ZNF680: variants seen among roughly 807,000 people sequenced by gnomAD.
ZNF680 encodes hypothetical protein FLJ90430.
Under a neutral mutation model 12.1 loss-of-function variants are expected in ZNF680, and 6 were observed. The ratio of observed to expected loss-of-function variants is 0.49; its 90% CI spans 0.27 to 0.98. The LOEUF is 0.98. Among genes scored for constraint, ZNF680 ranks in the 50% least tolerant of loss-of-function variants. The pLI is 0.12. For synonymous variants in ZNF680, 170 were observed against 199.3 expected (o/e 0.85, Z 1.24); for missense variants, 561 against 616.3 (o/e 0.91, Z 0.95).
intron 1 of ZNF680, 119 bp from the exon 2 acceptor site, chr7:64,544,551 T>C (rs1786682961): frequency 6.9e-7 from 1 of 1,457,064 alleles, no homozygotes; most frequent in African/African-American, 1.4e-5. Flanking sequence ...AAACTGATTC[T>C]GACTTACAGG....
At chr7:64,506,127 G>T in the ZNF680 span, among the ~76,000 whole-genome samples, 1 of 151,798 alleles carries the variant, frequency 6.6e-6, no homozygotes, top group Non-Finnish European at 1.5e-5. Flanking sequence ...AACAGGCTTG[G>T]AATCTTGAGG....
intron 3 of ZNF680, among the ~76,000 whole-genome samples, chr7:64,528,877 A>G (rs1785708406): frequency 6.6e-6 from 1 of 152,154 alleles, no homozygotes; most frequent in Non-Finnish European, 1.5e-5. Context: ...GCACAATAAG[A>G]GAGCATTAAA....
intron 1 of ZNF680, among the ~76,000 whole-genome samples, chr7:64,554,715 T>C (rs1787308143): frequency 6.6e-6 from 1 of 152,156 alleles, no homozygotes; most frequent in Admixed American, 6.5e-5. Context: ...CTGAAACATG[T>C]GCTGTGTCCA....
the ZNF680 span, among the ~76,000 whole-genome samples, chr7:64,503,768 T>C: frequency 1.3e-5 from 2 of 152,218 alleles, no homozygotes; most frequent in Admixed American, 6.5e-5. Flanking sequence ...CCTTTTTCTT[T>C]AGCCAATGGA....
chr7:64,552,997 A>G (rs537017280), intron 1 of ZNF680, among the ~76,000 whole-genome samples: 17 of 152,188 alleles, frequency 1.1e-4, no homozygotes, highest in Non-Finnish European at 2.5e-4. Flanking sequence ...GTGGTAGCAC[A>G]TGCCTGTAGT....
At chr7:64,545,776 A>C (rs1345561180) in intron 1 of ZNF680, among the ~76,000 whole-genome samples, 1 of 152,178 alleles carries the variant, frequency 6.6e-6, no homozygotes, top group Non-Finnish European at 1.5e-5. Flanking sequence ...ATTCTGTTTA[A>C]ATAAGCATTT....
chr7:64,560,580 G>C (rs1787678052), intron 1 of ZNF680, among the ~76,000 whole-genome samples: 1 of 152,200 alleles, frequency 6.6e-6, no homozygotes, highest in South Asian at 2.1e-4. Context: ...GGGAGGCCAA[G>C]GCGGGTGGAT....
intron 3 of ZNF680, among the ~76,000 whole-genome samples, chr7:64,531,586 G>A (rs1427908269): frequency 9.1e-6 from 1 of 109,978 alleles, no homozygotes; most frequent in Admixed American, 1.2e-4. Context: ...AACACAGTGA[G>A]ACTCCGTCTC....
chr7:64,560,721 A>G (rs1372844768), intron 1 of ZNF680, among the ~76,000 whole-genome samples: 1 of 152,160 alleles, frequency 6.6e-6, no homozygotes, highest in East Asian at 2.0e-4. Context: ...CTGAGGGAGG[A>G]GAATCGCTTG....
chr7:64,511,888 G>A, the ZNF680 span, among the ~76,000 whole-genome samples: 17 of 150,880 alleles, frequency 1.1e-4, no homozygotes, highest in South Asian at 8.4e-4. Flanking sequence ...GTGAAACCCC[G>A]TCTCTACTAA....
At chr7:64,553,411 C>A (rs1787190849) in intron 1 of ZNF680, among the ~76,000 whole-genome samples, 1 of 151,252 alleles carries the variant, frequency 6.6e-6, no homozygotes, top group Non-Finnish European at 1.5e-5. Flanking sequence ...GAGAATAGAG[C>A]CTCTTATTTT....
At chr7:64,536,600 A>G (rs746720456) in intron 3 of ZNF680, among the ~76,000 whole-genome samples, 4 of 152,216 alleles carry the variant, frequency 2.6e-5, no homozygotes, top group Non-Finnish European at 5.9e-5. Context: ...CACATCCAAC[A>G]TTAAGGATTA....
At chr7:64,527,262 C>T (rs961404218) in intron 3 of ZNF680, among the ~76,000 whole-genome samples, 8 of 151,654 alleles carry the variant, frequency 5.3e-5, no homozygotes, top group Admixed American at 1.3e-4. Flanking sequence ...AATAAATAAA[C>T]AAACAAAAAT....
intron 3 of ZNF680, among the ~76,000 whole-genome samples, chr7:64,528,300 G>C (rs534814268): frequency 6.6e-6 from 1 of 152,220 alleles, no homozygotes; most frequent in South Asian, 2.1e-4. Context: ...AGAAGCCTCC[G>C]GGCCAGAACT....
At chr7:64,509,099 T>C in the ZNF680 span, among the ~76,000 whole-genome samples, 2 of 152,290 alleles carry the variant, frequency 1.3e-5, no homozygotes, top group Admixed American at 6.5e-5. Context: ...GTTTGAACAG[T>C]TGATTTTCTT....
the ZNF680 span, among the ~76,000 whole-genome samples, chr7:64,513,670 G>C: frequency 2.0e-5 from 3 of 151,314 alleles, no homozygotes; most frequent in Admixed American, 2.0e-4. Context: ...TTTTAAGATA[G>C]ATTCTCGCTC....
intron 1 of ZNF680, among the ~76,000 whole-genome samples, chr7:64,561,516 A>AT (rs1787732390): frequency 6.6e-6 from 1 of 152,216 alleles, no homozygotes; most frequent in Non-Finnish European, 1.5e-5. Context: ...ATTTTTTACA[A>AT]TAGTGTCCAG....
intron 1 of ZNF680, among the ~76,000 whole-genome samples, chr7:64,546,534 G>C (rs1354355937): frequency 6.6e-6 from 1 of 152,148 alleles, no homozygotes; most frequent in Non-Finnish European, 1.5e-5. Flanking sequence ...CCGAGCTCAG[G>C]AATTCGAGAC....
chr7:64,542,623 A>G (rs989673723), intron 3 of ZNF680, among the ~76,000 whole-genome samples: 4 of 152,232 alleles, frequency 2.6e-5, no homozygotes, highest in African/African-American at 9.6e-5. Flanking sequence ...GCATTAAAAT[A>G]ATTTCTGAGA....
Sources: gnomAD v4.1 joint callset for allele counts (sites outside exome capture counted in the v4.1 genomes callset) on GRCh38, gnomAD v4.1.1 for gene constraint, MANE v1.5 for transcripts, NCBI Gene and HGNC (gene_info 2026-07-23, HGNC 2026-07-21) for gene names.